CYP27A1: variants seen among roughly 807,000 people sequenced by gnomAD.
The protein encoded by CYP27A1 is sterol 26-hydroxylase, mitochondrial.
In CYP27A1, 46 loss-of-function variants were observed where a neutral mutation model predicts 58.2. That is an observed-to-expected ratio of 0.79 (90% CI 0.62 to 1.01). The LOEUF is 1.01. Ranked by LOEUF, CYP27A1 falls within the 50% of genes least tolerant of loss-of-function variation. The pLI, the probability that CYP27A1 is intolerant of heterozygous loss-of-function variation, is 0.00. For missense variants in CYP27A1, 704 were observed against 687.0 expected, an observed-to-expected ratio of 1.02 and a Z score of -0.28; for synonymous variants, 274 against 285.1, an observed-to-expected ratio of 0.96 and a Z score of 0.39.
rs1424528113 is a variant in CYP27A1 at position 218,814,725 on chromosome 2, G to T, written c.1444G>T (p.Ala482Ser). ...GVRACLGRRIAELEMQLLLAR... is the reference protein window; with the variant it reads ...GVRACLGRRISELEMQLLLAR... ...CCGGGCCTGCCTGGGCCGCAGGATT[G>T]CAGAGCTGGAGATGCAGCTACTCCT... The change falls in exon 8 of 9, where the codon GCA (alanine) becomes TCA (serine). Residue 482 changes from alanine (A) to serine (S), a missense_variant. Transcript: ENST00000258415. 1 of 1,614,072 alleles carries T rather than the reference G, an allele frequency of 6.2e-7. No homozygotes were observed. The highest frequency in any genetic ancestry group is 1.3e-5 in the African/African-American group (1 of 74,942).
chr2:218,800,893 T>C (rs1349084299), intron 1 of CYP27A1, among the ~76,000 whole-genome samples: 1 of 152,238 alleles, frequency 6.6e-6, no homozygotes, highest in African/African-American at 2.4e-5. Flanking sequence ...TAAATATGAA[T>C]ATCTTTTTCA....
intron 1 of CYP27A1, chr2:218,805,820 C>T (rs909005834): frequency 9.9e-5 from 15 of 152,128 alleles, no homozygotes; most frequent in Admixed American, 7.2e-4. Context: ...AGACACAGCA[C>T]GCATCTCTCA....
At chr2:218,789,466 A>T (rs1156759200) in intron 1 of CYP27A1, among the ~76,000 whole-genome samples, 2 of 152,232 alleles carry the variant, frequency 1.3e-5, no homozygotes, top group East Asian at 1.9e-4. Flanking sequence ...GGAAAGTGAC[A>T]TACAAAAAAT....
At chr2:218,802,816 T>C (rs928418963) in intron 1 of CYP27A1, among the ~76,000 whole-genome samples, 2 of 152,256 alleles carry the variant, frequency 1.3e-5, no homozygotes, top group African/African-American at 4.8e-5. Flanking sequence ...TCTTTTCTTG[T>C]GGTTAACAGT....
At chr2:218,808,263 G>A (rs1037939735) in intron 1 of CYP27A1, among the ~76,000 whole-genome samples, 3 of 152,160 alleles carry the variant, frequency 2.0e-5, no homozygotes, top group African/African-American at 7.2e-5. Flanking sequence ...GTTTGCAGAC[G>A]ATCAGCTGTT....
At chr2:218,813,362 C>T (rs993722234) in intron 5 of CYP27A1, among the ~76,000 whole-genome samples, 1 of 152,196 alleles carries the variant, frequency 6.6e-6, no homozygotes, top group Admixed American at 6.5e-5. Flanking sequence ...CATCTCCCAT[C>T]TATCCAACTC....
rs1196582375 is a variant in CYP27A1 at position 218,813,110 on chromosome 2, G to A, written c.1017+14G>A. On this transcript the variant is annotated intron_variant, in intron 5 of 8. Transcript: ENST00000258415. ...GGAGTGGACACGGTGCGTGAAGGGG[G>A]AGGGTGAGACCAGGGGCCCCCAGCT... 2 of 1,601,448 alleles carry A rather than the reference G, an allele frequency of 1.2e-6. No homozygotes were observed. The highest frequency in any genetic ancestry group is 1.7e-6 in the Non-Finnish European group (2 of 1,172,732).
At chr2:218,809,544 G>T in intron 1 of CYP27A1, 33 bp from the exon 2 acceptor site, 1 of 1,576,036 alleles carries the variant, frequency 6.3e-7, no homozygotes, top group Non-Finnish European at 8.6e-7. Flanking sequence ...GCCCAGCTTG[G>T]CCCAGTTATT....
intron 1 of CYP27A1, among the ~76,000 whole-genome samples, chr2:218,789,190 T>C (rs1421478313): frequency 2.0e-5 from 3 of 152,282 alleles, no homozygotes; most frequent in African/African-American, 7.2e-5. Context: ...AAATGTCCCA[T>C]AGTAGGGGGC....
chr2:218,811,485 T>C (rs1943714845), intron 2 of CYP27A1, among the ~76,000 whole-genome samples: 1 of 152,232 alleles, frequency 6.6e-6, no homozygotes, highest in Admixed American at 6.5e-5. Flanking sequence ...TGGACATTAA[T>C]CTTGCTTATG....
intron 1 of CYP27A1, among the ~76,000 whole-genome samples, chr2:218,790,475 C>T (rs949654222): frequency 6.6e-6 from 1 of 152,178 alleles, no homozygotes; most frequent in Non-Finnish European, 1.5e-5. Context: ...CTTGCTTTAA[C>T]TAAGCAGTCT....
chr2:218,798,061 G>T (rs752608667), intron 1 of CYP27A1, among the ~76,000 whole-genome samples: 3 of 152,076 alleles, frequency 2.0e-5, no homozygotes, highest in Non-Finnish European at 4.4e-5. Context: ...GGAGTGCAGT[G>T]GTGTGATCTC....
chr2:218,807,714 A>C (rs960346791), intron 1 of CYP27A1, among the ~76,000 whole-genome samples: 1 of 151,778 alleles, frequency 6.6e-6, no homozygotes, highest in Non-Finnish European at 1.5e-5. Flanking sequence ...ACTTCAAGCA[A>C]TTCTCCCACC....
chr2:218,785,071 G>T (rs568880567), intron 1 of CYP27A1, among the ~76,000 whole-genome samples: 59 of 152,182 alleles, frequency 3.9e-4, no homozygotes, highest in Non-Finnish European at 6.2e-4. Context: ...TCACCATAAT[G>T]TGGAATCAGT....
intron 1 of CYP27A1, among the ~76,000 whole-genome samples, chr2:218,793,494 C>T (rs1943516474): frequency 1.3e-5 from 2 of 152,098 alleles, no homozygotes; most frequent in South Asian, 4.1e-4. Context: ...TCTCTTTTTT[C>T]TTGTTGCAGT....
chr2:218,807,391 T>G (rs1943663041), intron 1 of CYP27A1, among the ~76,000 whole-genome samples: 1 of 152,152 alleles, frequency 6.6e-6, no homozygotes, highest in African/African-American at 2.4e-5. Context: ...CTAAGGAGTA[T>G]TTACAGGAAT....
intron 1 of CYP27A1, among the ~76,000 whole-genome samples, chr2:218,794,251 AAAG>A (rs1361306533): frequency 6.6e-6 from 1 of 152,174 alleles, no homozygotes; most frequent in Admixed American, 6.5e-5. Flanking sequence ...TCCCCACTCT[AAAG>A]AAGTACTTCT....
chr2:218,801,882 A>G (rs1645654203), intron 1 of CYP27A1, among the ~76,000 whole-genome samples: 1 of 151,852 alleles, frequency 6.6e-6, no homozygotes, highest in Non-Finnish European at 1.5e-5. Context: ...TGCACAAGGC[A>G]GGTGCCTGAC....
In CYP27A1 at chr2:218,812,618, T is replaced by A; in HGVS notation, c.713T>A (p.Val238Glu). Reference sequence around the variant, plus strand: ...CAGCGATCCATCCCCGAGGACACCGTGACCTTCGTCAGATCCATCGGGTTA... The same window carrying A: ...CAGCGATCCATCCCCGAGGACACCGAGACCTTCGTCAGATCCATCGGGTTA... Reference protein sequence around the residue: ...CLQRSIPEDTVTFVRSIGLMF... With the variant: ...CLQRSIPEDTETFVRSIGLMF... Residue 238 changes from valine (V) to glutamate (E), a missense_variant, in exon 4 of 9, where the codon GTG (valine) becomes GAG (glutamate). Physicochemically the swap from Val to Glu is moderately radical, Grantham distance 121. Coordinates refer to ENST00000258415, the MANE Select transcript of CYP27A1 (RefSeq NM_000784.4). 6.2e-7 allele frequency: 1 copy of A among 1,614,266 alleles called. No individual in the cohort carries two copies. The highest frequency in any genetic ancestry group is 8.5e-7 in the Non-Finnish European group (1 of 1,180,046).
Sources: gnomAD v4.1 joint callset for allele counts (sites outside exome capture counted in the v4.1 genomes callset) on GRCh38, gnomAD v4.1.1 for gene constraint, MANE v1.5 for transcripts, NCBI Gene and HGNC (gene_info 2026-07-23, HGNC 2026-07-21) for gene names.